ACVR1: variants seen among roughly 807,000 people sequenced by gnomAD.
ACVR1 encodes activin A receptor type 1, also known as activin receptor type-1.
Under a neutral mutation model 57.1 loss-of-function variants are expected in ACVR1, and 38 were observed. That is an observed-to-expected ratio of 0.67 (90% CI 0.51 to 0.87). The LOEUF is 0.87. ACVR1 is among the 40% of genes least tolerant of loss of function. The probability of loss-of-function intolerance (pLI) is 0.00; values close to 1 mark genes in which losing one functional copy is unlikely to be tolerated. For missense variants in ACVR1, 463 were observed against 638.2 expected (o/e 0.73, Z 2.96); for synonymous variants, 212 against 228.1 (o/e 0.93, Z 0.63).
At chr2:157,812,693 T>C in intron 2 of ACVR1, among the ~76,000 whole-genome samples, 1 of 152,216 alleles carries the variant, frequency 6.6e-6, no homozygotes, top group East Asian at 1.9e-4. Context: ...GGTTGGTACA[T>C]TACAAATAAG....
chr2:157,780,628 A>G (rs757487859), intron 3 of ACVR1, 28 bp from the exon 4 acceptor site: 80 of 1,594,132 alleles, frequency 5.0e-5, no homozygotes, highest in Admixed American at 1.7e-4. Flanking sequence ...GAAGGGGAAA[A>G]AAAAAAAAAA....
At chr2:157,867,055 T>C (rs957300438) in intron 1 of ACVR1, among the ~76,000 whole-genome samples, 29 of 152,214 alleles carry the variant, frequency 1.9e-4, no homozygotes, top group African/African-American at 6.8e-4. Context: ...AGCATTCTTC[T>C]GGGTTCTTGC....
chr2:157,760,739 A>C (rs1248281871), intron 9 of ACVR1, 141 bp downstream of exon 9: 8 of 796,566 alleles, frequency 1.0e-5, no homozygotes, highest in Middle Eastern at 3.4e-4. Flanking sequence ...TACCAGCCAT[A>C]AATCAAATAT....
chr2:157,824,329 A>G (rs902571854), intron 1 of ACVR1, among the ~76,000 whole-genome samples: 1 of 152,044 alleles, frequency 6.6e-6, no homozygotes, highest in Non-Finnish European at 1.5e-5. Flanking sequence ...TTAGCCTGGC[A>G]TGGTGGTGCA....
At position 157,767,061 on chromosome 2, in the gene ACVR1, C is replaced by T. The variant is rs559341479; in HGVS notation, c.791-865G>A. Among the ~76,000 whole-genome samples the T allele has an allele frequency of 3.2e-4, 48 of 151,834 alleles. No individual in the cohort carries two copies. The Middle Eastern group carries it at 0.01, about 32-fold the overall frequency. ...TTTCTTTTTTTTTGAGACGAAGTTT[C>T]CCTCTTGTTGCCCAGGCTGGAGTGC... On this transcript the variant is annotated intron_variant, in intron 7 of 10. Coordinates refer to ENST00000434821, the MANE Select transcript of ACVR1 (RefSeq NM_001111067.4).
intron 1 of ACVR1, among the ~76,000 whole-genome samples, chr2:157,838,561 C>A (rs2105352477): frequency 6.6e-6 from 1 of 152,264 alleles, no homozygotes; most frequent in East Asian, 1.9e-4. Flanking sequence ...AAATGTGGCG[C>A]CATTAAACCC....
chr2:157,852,339 A>T (rs1331744836), intron 1 of ACVR1, among the ~76,000 whole-genome samples: 1 of 151,992 alleles, frequency 6.6e-6, no homozygotes, highest in Non-Finnish European at 1.5e-5. Context: ...CTCTATAAAA[A>T]ATACAAAAAT....
intron 2 of ACVR1, among the ~76,000 whole-genome samples, chr2:157,807,490 G>A (rs1417148235): frequency 6.6e-6 from 1 of 151,566 alleles, no homozygotes; most frequent in Non-Finnish European, 1.5e-5. Context: ...TCATCTCCCT[G>A]CTATTTTGCT....
intron 3 of ACVR1, among the ~76,000 whole-genome samples, chr2:157,784,942 G>A (rs965977528): frequency 3.9e-5 from 6 of 152,198 alleles, no homozygotes; most frequent in Non-Finnish European, 8.8e-5. Context: ...TCACATTTAT[G>A]TTTAAGTGGG....
intron 7 of ACVR1, among the ~76,000 whole-genome samples, chr2:157,768,541 A>G (rs1685959312): frequency 6.6e-6 from 1 of 152,222 alleles, no homozygotes; most frequent in Non-Finnish European, 1.5e-5. Context: ...TAAGCCCCTT[A>G]GGTCTTAGGG....
chr2:157,772,224 A>G (rs1686095994), intron 6 of ACVR1, among the ~76,000 whole-genome samples: 1 of 152,234 alleles, frequency 6.6e-6, no homozygotes, highest in Non-Finnish European at 1.5e-5. Context: ...CTAAAACAAA[A>G]GCAGAGCTGC....
intron 5 of ACVR1, among the ~76,000 whole-genome samples, chr2:157,774,892 G>T (rs201824084): frequency 2.6e-4 from 21 of 81,886 alleles, no homozygotes; most frequent in African/African-American, 8.2e-4. Flanking sequence ...AGAAAAGGGT[G>T]GGGGGGGTCC....
chr2:157,773,960 C>G (rs1686170506), intron 6 of ACVR1, 128 bp downstream of exon 6: 1 of 764,272 alleles, frequency 1.3e-6, no homozygotes, highest in Non-Finnish European at 2.2e-6. Flanking sequence ...AGAATAGAGA[C>G]CACATCTCAT....
At chr2:157,810,230 CA>C (rs1226328496) in intron 2 of ACVR1, among the ~76,000 whole-genome samples, 1 of 152,134 alleles carries the variant, frequency 6.6e-6, no homozygotes, top group East Asian at 1.9e-4. Context: ...TCCAATAGTC[CA>C]AAAGTATAAT....
At chr2:157,850,838 T>C (rs1354399306) in intron 1 of ACVR1, among the ~76,000 whole-genome samples, 1 of 152,094 alleles carries the variant, frequency 6.6e-6, no homozygotes, top group Non-Finnish European at 1.5e-5. Context: ...ACATCTGTAA[T>C]CCCAGCTACG....
intron 9 of ACVR1, among the ~76,000 whole-genome samples, chr2:157,750,896 T>C (rs1685164624): frequency 6.6e-6 from 1 of 151,124 alleles, no homozygotes; most frequent in Non-Finnish European, 1.5e-5. Context: ...ATGGGTATCA[T>C]TAAAAAAAAA....
intron 7 of ACVR1, among the ~76,000 whole-genome samples, chr2:157,769,083 G>A (rs577365831): frequency 2.6e-5 from 4 of 152,220 alleles, no homozygotes; most frequent in Non-Finnish European, 4.4e-5. Flanking sequence ...ACGGAGGAAG[G>A]AATGGTTGGA....
At chr2:157,862,350 T>C (rs1032754109) in intron 1 of ACVR1, among the ~76,000 whole-genome samples, 2 of 151,946 alleles carry the variant, frequency 1.3e-5, no homozygotes, top group African/African-American at 2.4e-5. Context: ...TAGTCATTCA[T>C]TCATTGCAAC....
chr2:157,849,576 C>T (rs767622844), intron 1 of ACVR1, among the ~76,000 whole-genome samples: 6 of 152,186 alleles, frequency 3.9e-5, no homozygotes, highest in Non-Finnish European at 7.3e-5. Flanking sequence ...CACAGAATCA[C>T]GCATCGAAAC....
Sources: allele counts gnomAD v4.1 joint callset (sites outside exome capture counted in the v4.1 genomes callset), GRCh38; gene constraint gnomAD v4.1.1; transcripts MANE v1.5; gene names NCBI Gene and HGNC (gene_info 2026-07-23, HGNC 2026-07-21).